Variants in ADGRE1 observed in about 807,000 individuals in gnomAD.
ADGRE1 encodes the protein EGF-like module receptor 1.
ADGRE1 carries 82 observed loss-of-function variants against 102.7 expected under a neutral mutation model. That is an observed-to-expected ratio of 0.80 (90% CI 0.67 to 0.96). The LOEUF is 0.96. ADGRE1 is among the 40% of genes least tolerant of loss of function. The probability of loss-of-function intolerance (pLI) is 0.00; values close to 1 mark genes in which losing one functional copy is unlikely to be tolerated. For synonymous variants in ADGRE1, 398 were observed against 399.6 expected, an observed-to-expected ratio of 1.00 and a Z score of 0.05; for missense variants, 1,032 against 1,085.3, an observed-to-expected ratio of 0.95 and a Z score of 0.69.
At chr19:6,924,636 T>C (rs773838933) in intron 14 of ADGRE1, 42 bp from the exon 15 acceptor site, 12 of 1,578,392 alleles carry the variant, frequency 7.6e-6, no homozygotes, top group Admixed American at 1.7e-5. Flanking sequence ...GGGGGGATTT[T>C]GATCCCATTC....
chr19:6,903,882 C>T lies in ADGRE1; in HGVS notation c.734C>T (p.Thr245Ile), dbSNP rs1413738302. 2 of 1,614,182 alleles carry T rather than the reference C, an allele frequency of 1.2e-6. No individual in the cohort carries two copies. The highest frequency in any genetic ancestry group is 1.6e-4 in the Middle Eastern group (1 of 6,062). The change falls in exon 7 of 21, where the codon ACC becomes ATC. Residue 245 changes from threonine to isoleucine, a missense_variant. Transcript: ENST00000312053. ...AACACTCCTGGGAGCTACTTTTGCACCTGCCACCCTGGCTTTGCACCAAGC... is the reference window on the plus strand; with the variant it reads ...AACACTCCTGGGAGCTACTTTTGCATCTGCCACCCTGGCTTTGCACCAAGC... ...CTNTPGSYFC[T>I]CHPGFAPSNG...
At chr19:6,934,141 G>GA (rs1289256024) in intron 17 of ADGRE1, among the ~76,000 whole-genome samples, 1 of 151,916 alleles carries the variant, frequency 6.6e-6, no homozygotes, top group Non-Finnish European at 1.5e-5. Context: ...GTTTATAGAG[G>GA]AAAAAAAGAG....
rs199655459 is a variant in ADGRE1 at position 6,939,986 on chromosome 19, T to A, written c.2656-38T>A. On this transcript the variant is annotated intron_variant, in intron 20 of 20. Transcript: ENST00000312053. Reference sequence around the variant, plus strand: ...CTTGGAATCACGTTTGTATTAATTCTGCTGCAGACTCTGAGGAAATTCTTT... The same window carrying A: ...CTTGGAATCACGTTTGTATTAATTCAGCTGCAGACTCTGAGGAAATTCTTT... 37 of 1,612,806 alleles carry A rather than the reference T, an allele frequency of 2.3e-5. No homozygotes were observed. In the Admixed American group the frequency reaches 4.2e-4, roughly 18 times the overall value.
At chr19:6,919,488 T>C in intron 12 of ADGRE1, 60 bp from the exon 13 acceptor site, 1 of 1,179,652 alleles carries the variant, frequency 8.5e-7, no homozygotes, top group South Asian at 1.3e-5. Context: ...GTGTTGGGTC[T>C]TCTATAATAA....
rs749301065 is a variant in ADGRE1, at chr19:6,921,768, G to A, written c.1676G>A (p.Gly559Asp). 1 of 1,614,110 alleles carries A rather than the reference G, an allele frequency of 6.2e-7. No homozygotes were observed. The highest frequency in any genetic ancestry group is 1.1e-5 in the South Asian group (1 of 91,076). Residue 559 changes from glycine (G) to aspartate (D), a missense_variant, in exon 14 of 21, where the codon GGT becomes GAT. Gly to Asp is a moderately conservative substitution (Grantham distance 94). Coordinates refer to ENST00000312053, the MANE Select transcript of ADGRE1 (RefSeq NM_001974.5). ...ICVSWSTDVK[G>D]GRWTSFGCVI... ...GTTTCCTGGAGCACTGATGTGAAGG[G>A]TGGAAGATGGACATCCTTTGGCTGT...
chr19:6,920,139 G>T (rs992671496), intron 13 of ADGRE1, among the ~76,000 whole-genome samples: 1 of 152,138 alleles, frequency 6.6e-6, no homozygotes, highest in Non-Finnish European at 1.5e-5. Context: ...ATGAAGTGAT[G>T]CAGGGAGGTG....
intron 2 of ADGRE1, among the ~76,000 whole-genome samples, chr19:6,893,927 G>T (rs539701348): frequency 4.6e-5 from 7 of 152,134 alleles, no homozygotes; most frequent in Admixed American, 4.6e-4. Context: ...TGTATCTAGG[G>T]TCAACCATGT....
At chr19:6,929,181 C>G (rs1220258648) in intron 17 of ADGRE1, among the ~76,000 whole-genome samples, 1 of 152,078 alleles carries the variant, frequency 6.6e-6, no homozygotes, top group Non-Finnish European at 1.5e-5. Flanking sequence ...AGGACACAGA[C>G]ACACACAAGG....
chr19:6,927,305 C>CTCCCTTCCTCCCTTCTT (rs79666426), intron 16 of ADGRE1, among the ~76,000 whole-genome samples: 2 of 138,990 alleles, frequency 1.4e-5, no homozygotes, highest in African/African-American at 5.5e-5. Context: ...CCCTCTCTTC[C>CTCCCTTCCTCCCTTCTT]TCCCTTCCTC....
intron 12 of ADGRE1, among the ~76,000 whole-genome samples, chr19:6,918,175 C>A (rs1417151589): frequency 6.6e-6 from 1 of 152,184 alleles, no homozygotes; most frequent in East Asian, 1.9e-4. Flanking sequence ...CATGGTGGCT[C>A]ACGCCTGTAA....
chr19:6,921,739 C>T lies in ADGRE1; in HGVS notation c.1647C>T (p.Ile549=). The change falls in exon 14 of 21, where the codon ATC becomes ATT. Residue 549 remains isoleucine (I), a synonymous_variant. Transcript: ENST00000312053. ...IQPKQKFERP[I]CVSWSTDVKG... ...CAAAGCAGAAGTTTGAGAGGCCCAT[C>T]TGTGTTTCCTGGAGCACTGATGTGA... The T allele has an allele frequency of 1.2e-6, 2 of 1,609,620 alleles. No homozygotes were observed. Among genetic ancestry groups the T allele is most frequent in the Non-Finnish European group, 1.7e-6 (2 of 1,178,492 alleles).
chr19:6,933,997 A>G (rs1465082655), intron 17 of ADGRE1, among the ~76,000 whole-genome samples: 2 of 152,176 alleles, frequency 1.3e-5, no homozygotes, highest in African/African-American at 4.8e-5. Flanking sequence ...TTGGGAAAAT[A>G]CACAGAGACC....
intron 5 of ADGRE1, chr19:6,898,815 A>C (rs957339643): frequency 3.7e-5 from 16 of 431,214 alleles, no homozygotes; most frequent in Non-Finnish European, 1.7e-5. Flanking sequence ...AAAAATATAT[A>C]GTTGCCTATA....
intron 13 of ADGRE1, among the ~76,000 whole-genome samples, chr19:6,920,886 A>G (rs1974639719): frequency 6.6e-6 from 1 of 151,966 alleles, no homozygotes; most frequent in African/African-American, 2.4e-5. Flanking sequence ...GGTTTTTATG[A>G]TTTTTTCTCC....
At chr19:6,938,603 T>G (rs1265254413) in intron 20 of ADGRE1, among the ~76,000 whole-genome samples, 1 of 151,984 alleles carries the variant, frequency 6.6e-6, no homozygotes, top group Non-Finnish European at 1.5e-5. Flanking sequence ...ATAGCTTAGT[T>G]TCCTCACTGA....
In ADGRE1 at chr19:6,926,936, G is replaced by A. The variant is rs116433777; in HGVS notation, c.2222+335G>A. 2.3e-3 allele frequency among the ~76,000 whole-genome samples: 351 copies of A among 152,236 alleles called. 1 individual carries two copies. Among genetic ancestry groups the A allele is most frequent in the African/African-American group, 7.7e-3 (321 of 41,524 alleles). Reference sequence around the variant, plus strand: ...TACTTCTGCATGGTGGTGTGCACCTGTAATCCCAGCTACTCGGGAGGCCGA... The same window carrying A: ...TACTTCTGCATGGTGGTGTGCACCTATAATCCCAGCTACTCGGGAGGCCGA... On this transcript the variant is annotated intron_variant, in intron 16 of 20. Transcript: ENST00000312053.
At chr19:6,910,570 CTTT>C (rs11303491) in intron 10 of ADGRE1, among the ~76,000 whole-genome samples, 85 of 112,646 alleles carry the variant, frequency 7.5e-4, no homozygotes, top group South Asian at 2.8e-3. Flanking sequence ...TGTTCCAACT[CTTT>C]TTTTTTTTTT....
chr19:6,929,843 A>T (rs1255148942), intron 17 of ADGRE1, among the ~76,000 whole-genome samples: 1 of 151,956 alleles, frequency 6.6e-6, no homozygotes, highest in African/African-American at 2.4e-5. Context: ...TTTAGTAGAG[A>T]TGGGGTTTCA....
intron 2 of ADGRE1, among the ~76,000 whole-genome samples, chr19:6,892,088 GA>G (rs1568334236): frequency 6.6e-6 from 1 of 152,088 alleles, no homozygotes; most frequent in Non-Finnish European, 1.5e-5. Context: ...AGAATGATGG[GA>G]AACTTACAGC....
Sources: allele counts gnomAD v4.1 joint callset (sites outside exome capture counted in the v4.1 genomes callset), GRCh38; gene constraint gnomAD v4.1.1; transcripts MANE v1.5; gene names NCBI Gene and HGNC (gene_info 2026-07-23, HGNC 2026-07-21).